The following MCC variants were observed in gnomAD, a reference collection of about 807,000 sequenced individuals.
MCC encodes MCC regulator of Wnt signaling pathway.
Under a neutral mutation model 116.2 loss-of-function variants are expected in MCC, and 90 were observed. That is an observed-to-expected ratio of 0.77 (90% CI 0.65 to 0.92). MCC has a LOEUF of 0.92. Ranked by LOEUF, MCC falls within the 40% of genes least tolerant of loss-of-function variation. The pLI is 0.00. For missense variants in MCC, 1,516 were observed against 1,312.2 expected (o/e 1.16, Z -2.40); for synonymous variants, 578 against 510.5 (o/e 1.13, Z -1.78).
intron 3 of MCC, among the ~76,000 whole-genome samples, chr5:113,279,837 A>AC (rs1360868870): frequency 6.6e-6 from 1 of 152,252 alleles, no homozygotes; most frequent in Middle Eastern, 3.2e-3. Context: ...TTGTTGTATT[A>AC]AAGGCAATAT....
chr5:113,178,693 G>A (rs1442269702), intron 3 of MCC, among the ~76,000 whole-genome samples: 1 of 152,082 alleles, frequency 6.6e-6, no homozygotes, highest in Non-Finnish European at 1.5e-5. Context: ...TCACTGTTGC[G>A]TTAACCTCAA....
intron 3 of MCC, among the ~76,000 whole-genome samples, chr5:113,170,559 T>G (rs1326996731): frequency 2.6e-5 from 4 of 152,004 alleles, no homozygotes; most frequent in African/African-American, 9.7e-5. Flanking sequence ...ACCCACTTCC[T>G]AGGGATACCG....
chr5:113,174,097 T>C (rs1223861023), intron 3 of MCC, among the ~76,000 whole-genome samples: 1 of 152,174 alleles, frequency 6.6e-6, no homozygotes, highest in East Asian at 1.9e-4. Flanking sequence ...ATCACTGCCA[T>C]GGTGAAGTAA....
chr5:113,382,198 C>G (rs1409308010), intron 2 of MCC, among the ~76,000 whole-genome samples: 2 of 151,350 alleles, frequency 1.3e-5, no homozygotes, highest in Non-Finnish European at 2.9e-5. Flanking sequence ...TAAATAGAGT[C>G]AGAAGGAGAG....
chr5:113,344,249 CA>C (rs1768081563), intron 2 of MCC, among the ~76,000 whole-genome samples: 2 of 152,168 alleles, frequency 1.3e-5, no homozygotes, highest in South Asian at 4.1e-4. Flanking sequence ...CAGCCCTAGC[CA>C]GAGGGGAATT....
intron 17 of MCC, among the ~76,000 whole-genome samples, chr5:113,043,297 T>C (rs1313886553): frequency 6.6e-6 from 1 of 152,154 alleles, no homozygotes; most frequent in Admixed American, 6.5e-5. Context: ...GAAGAGGAAT[T>C]TTCCTATTCA....
intron 1 of MCC, among the ~76,000 whole-genome samples, chr5:113,393,101 T>G (rs1406009854): frequency 2.0e-5 from 3 of 151,814 alleles, no homozygotes; most frequent in Non-Finnish European, 4.4e-5. Flanking sequence ...AAAAACAAGG[T>G]CAAGAAGCAT....
At position 113,075,860 on chromosome 5, in the gene MCC, G is replaced by A. The variant is rs184518221; in HGVS notation, c.1785-4626C>T. The stretch of plus-strand genomic sequence containing the variant: ...AAGAGCTGTAACACTCAACGTGAAG[G>A]TCTGCAGCTTCACTCCTGAAGCCAG... On this transcript the variant is annotated intron_variant, in intron 11 of 18. Coordinates refer to ENST00000408903, the MANE Select transcript of MCC (RefSeq NM_001085377.2). Among the ~76,000 whole-genome samples, 53 of 152,256 alleles carry A rather than the reference G, an allele frequency of 3.5e-4. 1 individual carries two copies. The highest frequency in any genetic ancestry group is 1.2e-3 in the African/African-American group (51 of 41,540).
chr5:113,136,324 A>C (rs1346861852), intron 5 of MCC, among the ~76,000 whole-genome samples: 1 of 152,340 alleles, frequency 6.6e-6, no homozygotes, highest in East Asian at 1.9e-4. Context: ...CTAGTGATGT[A>C]AACAGAGATC....
At chr5:113,458,724 A>T (rs778253249) in intron 1 of MCC, among the ~76,000 whole-genome samples, 7 of 152,338 alleles carry the variant, frequency 4.6e-5, no homozygotes, top group Middle Eastern at 3.4e-3. Flanking sequence ...AGCTGCTGAG[A>T]CAATTAGGAG....
intron 1 of MCC, among the ~76,000 whole-genome samples, chr5:113,475,900 C>A (rs1772223279): frequency 6.6e-6 from 1 of 152,126 alleles, no homozygotes; most frequent in Non-Finnish European, 1.5e-5. Flanking sequence ...TACCTTAGCT[C>A]CTCACCTTAA....
intron 1 of MCC, among the ~76,000 whole-genome samples, chr5:113,402,090 C>G (rs1055939977): frequency 4.0e-5 from 6 of 151,832 alleles, no homozygotes; most frequent in Non-Finnish European, 8.8e-5. Flanking sequence ...GTCCGGAGAT[C>G]AAGACCACCC....
intron 1 of MCC, among the ~76,000 whole-genome samples, chr5:113,386,804 CAT>C (rs1371006647): frequency 2.0e-5 from 2 of 99,404 alleles, no homozygotes; most frequent in African/African-American, 5.5e-5. Context: ...CACACATACA[CAT>C]ATACACATAC....
chr5:113,042,721 G>A (rs1007934381), intron 17 of MCC, among the ~76,000 whole-genome samples: 4 of 151,742 alleles, frequency 2.6e-5, no homozygotes, highest in Admixed American at 6.6e-5. Flanking sequence ...AACTTGAAAT[G>A]TCTGAATTTG....
At chr5:113,488,219 C>T (rs778774481) in intron 1 of MCC, 26 bp downstream of exon 1, 41 of 1,580,210 alleles carry the variant, frequency 2.6e-5, no homozygotes, top group Non-Finnish European at 3.4e-5. Context: ...TCGCTCCTGT[C>T]GGTTTCCTCG....
intron 1 of MCC, among the ~76,000 whole-genome samples, chr5:113,480,944 T>C (rs1346722017): frequency 6.6e-6 from 1 of 152,002 alleles, no homozygotes; most frequent in African/African-American, 2.4e-5. Context: ...CTGGGTAATT[T>C]TTGTAATTTT....
At chr5:113,043,300 C>G (rs1452470690) in intron 17 of MCC, among the ~76,000 whole-genome samples, 1 of 152,210 alleles carries the variant, frequency 6.6e-6, no homozygotes, top group Non-Finnish European at 1.5e-5. Context: ...GAGGAATTTT[C>G]CTATTCACTG....
chr5:113,432,009 G>A (rs1234367270), intron 1 of MCC, among the ~76,000 whole-genome samples: 15 of 152,162 alleles, frequency 9.9e-5, no homozygotes, highest in African/African-American at 2.9e-4. Flanking sequence ...GGTGGCACAC[G>A]CCTGTAGTCC....
At chr5:113,409,463 T>C (rs1769920479) in intron 1 of MCC, among the ~76,000 whole-genome samples, 1 of 152,250 alleles carries the variant, frequency 6.6e-6, no homozygotes, top group East Asian at 1.9e-4. Flanking sequence ...GAAATCCTCC[T>C]GCCTTAGCCT....
Sources: allele counts gnomAD v4.1 joint callset (sites outside exome capture counted in the v4.1 genomes callset), GRCh38; gene constraint gnomAD v4.1.1; transcripts MANE v1.5; gene names NCBI Gene and HGNC (gene_info 2026-07-23, HGNC 2026-07-21).